The following PACS1 variants were observed in gnomAD, a reference collection of about 807,000 sequenced individuals.
The protein encoded by PACS1 is phosphofurin acidic cluster sorting protein 1, also known as PACS-1.
In PACS1, 24 loss-of-function variants were observed where a neutral mutation model predicts 115.0. That is an observed-to-expected ratio of 0.21 (90% confidence interval 0.15 to 0.29). PACS1 has a LOEUF of 0.29. Ranked by LOEUF, PACS1 falls within the 10% of genes least tolerant of loss-of-function variation. The probability of loss-of-function intolerance (pLI) is 1.00; values close to 1 mark genes in which losing one functional copy is unlikely to be tolerated. For missense variants in PACS1, 838 were observed against 1,251.2 expected, an observed-to-expected ratio of 0.67 and a Z score of 4.98; for synonymous variants, 453 against 504.5, an observed-to-expected ratio of 0.90 and a Z score of 1.37.
At chr11:66,158,579 T>C (rs532120915) in intron 1 of PACS1, among the ~76,000 whole-genome samples, 3 of 152,190 alleles carry the variant, frequency 2.0e-5, no homozygotes, top group Non-Finnish European at 4.4e-5. Context: ...GGCACACCCC[T>C]AGTTCTAAGT....
At chr11:66,161,042 TAGTG>T (rs1029425703) in intron 1 of PACS1, among the ~76,000 whole-genome samples, 21 of 152,058 alleles carry the variant, frequency 1.4e-4, no homozygotes, top group African/African-American at 5.1e-4. Context: ...ACCCCTCACT[TAGTG>T]AGGATAAAAG....
At chr11:66,105,529 T>A (rs1295198858) in intron 1 of PACS1, among the ~76,000 whole-genome samples, 1 of 152,154 alleles carries the variant, frequency 6.6e-6, no homozygotes, top group Non-Finnish European at 1.5e-5. Flanking sequence ...TATGAATGAA[T>A]ATGGACAAAG....
At chr11:66,225,597 T>C (rs1414020020) in intron 10 of PACS1, among the ~76,000 whole-genome samples, 7 of 152,208 alleles carry the variant, frequency 4.6e-5, no homozygotes, top group Admixed American at 3.3e-4. Flanking sequence ...ACTGTAAATA[T>C]ATACAATTTT....
chr11:66,154,791 C>A (rs960440251), intron 1 of PACS1, among the ~76,000 whole-genome samples: 3 of 152,124 alleles, frequency 2.0e-5, no homozygotes, highest in African/African-American at 7.2e-5. Context: ...CATTCTCAAT[C>A]AAAATTTCTG....
At position 66,099,550 on chromosome 11, in the gene PACS1, T is replaced by C. The variant is rs147554546; in HGVS notation, c.356+28708T>C. On this transcript the variant is annotated intron_variant, in intron 1 of 23. Transcript: ENST00000320580. ...ATCACTTTCTATATCATTTTCTTTT[T>C]TGGGGGGGTTTTGAGGGCAGGGTCT... 5.0e-3 allele frequency among the ~76,000 whole-genome samples: 758 copies of C among 151,310 alleles called. 4 individuals are homozygous for C. Among genetic ancestry groups the C allele is most frequent in the African/African-American group, 0.017 (713 of 41,166 alleles).
intron 1 of PACS1, among the ~76,000 whole-genome samples, chr11:66,186,379 G>A (rs144595964): frequency 8.8e-4 from 133 of 152,000 alleles, no homozygotes; most frequent in African/African-American, 2.6e-3. Flanking sequence ...GGCAGACCAA[G>A]CATGCAGCCA....
intron 1 of PACS1, among the ~76,000 whole-genome samples, chr11:66,185,739 C>T (rs1860114713): frequency 6.6e-6 from 1 of 152,156 alleles, no homozygotes; most frequent in Admixed American, 6.5e-5. Context: ...GATATCTTCT[C>T]TTCCTTCATA....
chr11:66,221,298 C>G, intron 10 of PACS1, 51 bp downstream of exon 10: 6 of 1,465,988 alleles, frequency 4.1e-6, no homozygotes, highest in Non-Finnish European at 5.7e-6. Flanking sequence ...CATGTCAGGG[C>G]TCGACGCTCT....
intron 2 of PACS1, among the ~76,000 whole-genome samples, chr11:66,202,742 A>AAAATATATATATATATAT (rs1200930188): frequency 4.2e-5 from 3 of 71,600 alleles, no homozygotes; most frequent in Non-Finnish European, 2.3e-5. Flanking sequence ...AAAAAAAAAA[A>AAAATATATATATATATAT]ATATATATAT....
At chr11:66,106,243 G>A (rs1431261571) in intron 1 of PACS1, among the ~76,000 whole-genome samples, 2 of 151,898 alleles carry the variant, frequency 1.3e-5, no homozygotes, top group Non-Finnish European at 2.9e-5. Flanking sequence ...CAACCTGGGC[G>A]ACAGAGGGAG....
intron 1 of PACS1, among the ~76,000 whole-genome samples, chr11:66,080,383 G>C (rs1221903653): frequency 6.6e-6 from 1 of 152,110 alleles, no homozygotes; most frequent in Non-Finnish European, 1.5e-5. Context: ...CAGATAGCGA[G>C]TAGGGTCACA....
At chr11:66,106,310 G>A (rs1858038435) in intron 1 of PACS1, among the ~76,000 whole-genome samples, 2 of 152,078 alleles carry the variant, frequency 1.3e-5, no homozygotes, top group Admixed American at 1.3e-4. Context: ...AGTGGCTCAC[G>A]CCTGTAATCG....
intron 2 of PACS1, among the ~76,000 whole-genome samples, chr11:66,195,751 T>C (rs1854635816): frequency 6.6e-6 from 1 of 152,180 alleles, no homozygotes; most frequent in Non-Finnish European, 1.5e-5. Flanking sequence ...GAGCATCTAT[T>C]ATGTGCCAAA....
At chr11:66,085,125 A>G (rs1310297502) in intron 1 of PACS1, among the ~76,000 whole-genome samples, 2 of 152,248 alleles carry the variant, frequency 1.3e-5, no homozygotes, top group African/African-American at 4.8e-5. Context: ...TCACTAACGC[A>G]GCGAAATAGA....
chr11:66,113,957 T>G (rs1858245118), intron 1 of PACS1, among the ~76,000 whole-genome samples: 1 of 152,170 alleles, frequency 6.6e-6, no homozygotes, highest in African/African-American at 2.4e-5. Context: ...CTGAAGCTCT[T>G]TTGCATCTCT....
chr11:66,144,039 A>T (rs1859062261), intron 1 of PACS1, among the ~76,000 whole-genome samples: 1 of 152,248 alleles, frequency 6.6e-6, no homozygotes, highest in Non-Finnish European at 1.5e-5. Context: ...GTGTTGTCAC[A>T]AACTTAACGG....
intron 1 of PACS1, among the ~76,000 whole-genome samples, chr11:66,136,644 A>C (rs1858852850): frequency 6.6e-6 from 1 of 152,098 alleles, no homozygotes; most frequent in African/African-American, 2.4e-5. Flanking sequence ...CATGCCTTCC[A>C]AAAAACTTCA....
intron 1 of PACS1, among the ~76,000 whole-genome samples, chr11:66,157,095 C>G (rs1859379829): frequency 6.6e-6 from 1 of 151,862 alleles, no homozygotes; most frequent in African/African-American, 2.4e-5. Context: ...TACATGTTAC[C>G]AAGTTGTGAC....
At chr11:66,211,575 TCAC>T (rs1855070209) in intron 4 of PACS1, among the ~76,000 whole-genome samples, 2 of 152,226 alleles carry the variant, frequency 1.3e-5, no homozygotes, top group African/African-American at 4.8e-5. Context: ...CTTTAACATA[TCAC>T]CACATTTCAT....
Sources: gnomAD v4.1 joint callset for allele counts (sites outside exome capture counted in the v4.1 genomes callset) on GRCh38, gnomAD v4.1.1 for gene constraint, MANE v1.5 for transcripts, NCBI Gene and HGNC (gene_info 2026-07-23, HGNC 2026-07-21) for gene names.